ZNF324B: variants seen among roughly 807,000 people sequenced by gnomAD.
ZNF324B encodes the protein zinc finger protein 324B.
ZNF324B carries 7 observed loss-of-function variants against 10.6 expected under a neutral mutation model. The ratio of observed to expected loss-of-function variants is 0.66; its 90% CI spans 0.38 to 1.24. The LOEUF (loss-of-function observed/expected upper bound fraction) is 1.24. Ranked by LOEUF, ZNF324B falls within the 50% of genes most tolerant of loss-of-function variation. The pLI, the probability that ZNF324B is intolerant of heterozygous loss-of-function variation, is 0.02. For synonymous variants in ZNF324B, 316 were observed against 321.0 expected (o/e 0.98, Z 0.17); for missense variants, 640 against 764.7 (o/e 0.84, Z 1.92).
chr19:58,438,940 T>A, the ZNF324B span, among the ~76,000 whole-genome samples: 1 of 151,808 alleles, frequency 6.6e-6, no homozygotes, highest in Non-Finnish European at 1.5e-5. Context: ...CCTGGCTAAT[T>A]TTTCTGTATT....
chr19:58,431,131 A>C, the ZNF324B span: 2 of 152,240 alleles, frequency 1.3e-5, no homozygotes, highest in South Asian at 4.1e-4. Flanking sequence ...ACATCTGAAA[A>C]GGTGGTCTTC....
chr19:58,455,154 C>T lies in ZNF324B; in HGVS notation c.239-29C>T. On this transcript the variant is annotated intron_variant, in intron 3 of 3. Transcript: ENST00000336614. The surrounding 1 kb of genome is among the most constrained non-coding windows in gnomAD (Gnocchi z 7.0). ...CTGGTCCTCTCCTAACCAGGATGCC[C>T]CAGGCAACCACCGTTTCTCTGCGTT... is the stretch of plus-strand genomic sequence containing the variant. The T allele has an allele frequency of 3.1e-6, 5 of 1,613,252 alleles. No homozygotes were observed. The highest frequency in any genetic ancestry group is 3.4e-6 in the Non-Finnish European group (4 of 1,179,940).
the ZNF324B span, chr19:58,437,315 T>C: frequency 4.4e-6 from 6 of 1,355,406 alleles, no homozygotes; most frequent in Admixed American, 1.3e-4. Context: ...CTTTTTCTTA[T>C]GATCCTCTCA....
At chr19:58,420,370 G>T in the ZNF324B span, among the ~76,000 whole-genome samples, 4 of 151,494 alleles carry the variant, frequency 2.6e-5, no homozygotes, top group Non-Finnish European at 5.9e-5. Flanking sequence ...AGTGAGCCAA[G>T]ATCTCACCAC....
chr19:58,433,918 T>C, the ZNF324B span: 1 of 1,614,176 alleles, frequency 6.2e-7, no homozygotes, highest in Non-Finnish European at 8.5e-7. Flanking sequence ...TTGCCCAGTA[T>C]GTACTTTCTG....
the ZNF324B span, chr19:58,429,012 A>C: frequency 6.6e-6 from 1 of 152,188 alleles, no homozygotes; most frequent in Non-Finnish European, 1.5e-5. Context: ...CATTCTTCAG[A>C]GCTAGCTCTG....
At chr19:58,434,715 T>A in the ZNF324B span, 7 of 1,614,012 alleles carry the variant, frequency 4.3e-6, no homozygotes, top group African/African-American at 9.3e-5. Flanking sequence ...TCAGGAAGGC[T>A]TTTCCACAGT....
At chr19:58,447,044 C>A (rs1232183557), upstream of ZNF324B, among the ~76,000 whole-genome samples, 1 of 151,934 alleles carries the variant, frequency 6.6e-6, no homozygotes, top group Non-Finnish European at 1.5e-5. Context: ...GGCATGATCT[C>A]AGCTCACTGC....
At chr19:58,418,898 CTG>C in the ZNF324B span, 3 of 152,256 alleles carry the variant, frequency 2.0e-5, no homozygotes, top group African/African-American at 7.2e-5. Context: ...TTGTGAGCCA[CTG>C]TGCCCTGCCA....
At position 58,455,466 on chromosome 19, in the gene ZNF324B, C is replaced by T; in HGVS notation, c.522C>T (p.Pro174=). ...TCAGGCCCCCCAAGAGCAGCCGGCC[C>T]AGGGAAAAGACCTTCACAGAGTACC... is the stretch of plus-strand genomic sequence containing the variant. ...SPLRPPKSSR[P]REKTFTEYRV... The change falls in exon 4 of 4, where the codon CCC becomes CCT. Residue 174 remains proline (P), a synonymous_variant. Transcript: ENST00000336614. This position sits in a 1 kb window ranked among gnomAD's most constrained non-coding sequence, Gnocchi z 7.0. 6.2e-7 allele frequency: 1 copy of T among 1,614,114 alleles called. No individual in the cohort carries two copies.
At chr19:58,451,909 G>GA (rs1233552850) in intron 1 of ZNF324B, among the ~76,000 whole-genome samples, 3 of 152,268 alleles carry the variant, frequency 2.0e-5, no homozygotes, top group Non-Finnish European at 4.4e-5. Flanking sequence ...TGCTGGCGGG[G>GA]ATGGCGGTCC....
chr19:58,435,071 C>T, the ZNF324B span: 27 of 1,614,020 alleles, frequency 1.7e-5, no homozygotes, highest in Non-Finnish European at 2.3e-5. Flanking sequence ...TGCAAAATGT[C>T]TTTCAAGAAT....
At chr19:58,445,305 T>C in the ZNF324B span, 2 of 460,054 alleles carry the variant, frequency 4.3e-6, no homozygotes, top group Admixed American at 2.8e-5. Flanking sequence ...ATTTACAGCA[T>C]TGTGAGTGTA....
At position 58,457,514 on chromosome 19, in the gene ZNF324B, GCCCCCA is replaced by G. The variant is rs1474338842; in HGVS notation, c.*947_*952del. On this transcript the variant is annotated 3_prime_UTR_variant, in exon 4 of 4. Coordinates refer to ENST00000336614, the MANE Select transcript of ZNF324B (RefSeq NM_207395.3). Reference sequence around the variant, plus strand: ...TTGCTGGATTTGGTGGCCGATCCCCGCCCCCACCCCCACCCCCTCCATCTCACCTTT... The same window carrying G: ...TTGCTGGATTTGGTGGCCGATCCCCGCCCCCACCCCCTCCATCTCACCTTT... The G allele has an allele frequency of 1.4e-5, 1 of 69,540 alleles. No individual in the cohort carries two copies. Among genetic ancestry groups the G allele is most frequent in the Non-Finnish European group, 3.0e-5 (1 of 33,792 alleles). The allele number at this position is 69,540 out of a possible 1,614,324, so 4.3% of individuals were successfully genotyped here. A position where few individuals can be genotyped will look rare whatever the true frequency, so the allele number is the denominator to read the frequency against.
chr19:58,428,218 T>G, the ZNF324B span, among the ~76,000 whole-genome samples: 1 of 152,194 alleles, frequency 6.6e-6, no homozygotes, highest in Non-Finnish European at 1.5e-5. Flanking sequence ...AGGCCAAAGA[T>G]TCTCATGTCA....
chr19:58,455,823 C>T lies in ZNF324B; in HGVS notation c.879C>T (p.Ala293=). ...RPYECTQCGK[A]FSQTSHLTQH... ...ACGAGTGCACCCAGTGCGGCAAGGCCTTCAGCCAGACGTCGCACTTGACGC... is the reference window on the plus strand; with the variant it reads ...ACGAGTGCACCCAGTGCGGCAAGGCTTTCAGCCAGACGTCGCACTTGACGC... The change falls in exon 4 of 4, where the codon GCC becomes GCT. Residue 293 remains alanine, a synonymous_variant. Transcript: ENST00000336614. The surrounding 1 kb of genome is among the most constrained non-coding windows in gnomAD (Gnocchi z 7.0). The T allele has an allele frequency of 1.9e-6, 3 of 1,614,062 alleles. No homozygotes were observed. The highest frequency in any genetic ancestry group is 2.5e-6 in the Non-Finnish European group (3 of 1,179,986).
chr19:58,454,352 G>A lies in ZNF324B; in HGVS notation c.238+8G>A. 2.5e-6 allele frequency: 4 copies of A among 1,596,696 alleles called. No individual in the cohort carries two copies. The highest frequency in any genetic ancestry group is 3.4e-6 in the Non-Finnish European group (4 of 1,164,104). The stretch of plus-strand genomic sequence containing the variant: ...ACGGGAGGCTCAACTCTGGTGAGTG[G>A]GAGCTCAGGTGGGGTGAACTAAGGA... On this transcript the variant is annotated splice_region_variant and intron_variant, in intron 3 of 3. Transcript: ENST00000336614.
At chr19:58,421,861 G>A in the ZNF324B span, among the ~76,000 whole-genome samples, 2 of 152,266 alleles carry the variant, frequency 1.3e-5, no homozygotes, top group South Asian at 4.1e-4. Context: ...CTCAATATTA[G>A]TATGTTAATC....
the ZNF324B span, chr19:58,440,044 T>C: frequency 1.8e-6 from 1 of 545,990 alleles, no homozygotes. Context: ...CCGGGCACTA[T>C]GGTGCGTGTG....
Sources: gnomAD v4.1 joint callset for allele counts (sites outside exome capture counted in the v4.1 genomes callset) on GRCh38, gnomAD v4.1.1 for gene constraint, Gnocchi (gnomAD v3.1) non-coding constraint, MANE v1.5 for transcripts, NCBI Gene and HGNC (gene_info 2026-07-23, HGNC 2026-07-21) for gene names.